The following CPQ variants were observed in gnomAD, a reference collection of about 807,000 sequenced individuals.
CPQ encodes the protein Ser-Met dipeptidase.
A neutral mutation model predicts 45.7 loss-of-function variants in CPQ; 37 were observed. That is an observed-to-expected ratio of 0.81 (90% confidence interval 0.62 to 1.07). CPQ has a LOEUF of 1.07. Among genes scored for constraint, CPQ ranks in the 50% least tolerant of loss-of-function variants. CPQ has a pLI of 0.00. For missense variants in CPQ, 537 were observed against 572.9 expected, an observed-to-expected ratio of 0.94 and a Z score of 0.64; for synonymous variants, 186 against 205.8, an observed-to-expected ratio of 0.90 and a Z score of 0.82.
intron 1 of CPQ, among the ~76,000 whole-genome samples, chr8:96,657,421 G>C (rs1586347381): frequency 6.6e-6 from 1 of 152,290 alleles, no homozygotes; most frequent in East Asian, 1.9e-4. Flanking sequence ...ACGTGAGATT[G>C]TTCCTCTTCT....
chr8:96,937,923 G>C (rs774275448), intron 4 of CPQ, among the ~76,000 whole-genome samples: 1 of 152,140 alleles, frequency 6.6e-6, no homozygotes, highest in African/African-American at 2.4e-5. Flanking sequence ...TGAGATAAAA[G>C]GAAGTTGGTT....
At chr8:96,767,673 TCA>T (rs2130796080) in intron 1 of CPQ, among the ~76,000 whole-genome samples, 1 of 121,012 alleles carries the variant, frequency 8.3e-6, no homozygotes, top group East Asian at 2.9e-4. Flanking sequence ...AGACGGACTC[TCA>T]CTCCGTTGCC....
At chr8:97,046,649 C>T (rs1810262144) in intron 6 of CPQ, among the ~76,000 whole-genome samples, 1 of 152,148 alleles carries the variant, frequency 6.6e-6, no homozygotes, top group South Asian at 2.1e-4. Context: ...CAATCAGATG[C>T]ACTCCCTCCC....
intron 3 of CPQ, among the ~76,000 whole-genome samples, chr8:96,864,776 G>A (rs1190745169): frequency 6.6e-6 from 1 of 151,924 alleles, no homozygotes; most frequent in Non-Finnish European, 1.5e-5. Context: ...TTCAAACATA[G>A]GGAAATAAGC....
rs371921242 is a variant in CPQ at position 96,762,741 on chromosome 8, CAATG to C, written c.-34-22120_-34-22117del. Among the ~76,000 whole-genome samples, 508 of 152,228 alleles carry C rather than the reference CAATG, an allele frequency of 3.3e-3. 7 individuals carry two copies. The highest frequency in any genetic ancestry group is 0.012 in the African/African-American group (484 of 41,546). ...CAGTTCAATTTATTAATTTTTCCCT[CAATG>C]AACCGTAGTTTTAGTGTTGTATCTA... On this transcript the variant is annotated intron_variant, in intron 1 of 7. Transcript: ENST00000220763.
chr8:97,105,429 T>C (rs1811387654), intron 7 of CPQ, among the ~76,000 whole-genome samples: 5 of 152,246 alleles, frequency 3.3e-5, no homozygotes, highest in Admixed American at 3.3e-4. Context: ...TATTCCATTG[T>C]ATGTGTATAC....
At chr8:97,056,651 G>C (rs143719330) in intron 6 of CPQ, 1 of 152,318 alleles carries the variant, frequency 6.6e-6, no homozygotes, top group East Asian at 1.9e-4. Context: ...ATACTCTACA[G>C]AACATGCTTA....
At chr8:96,752,287 T>C (rs143567297) in intron 1 of CPQ, among the ~76,000 whole-genome samples, 2,507 of 152,344 alleles carry the variant, frequency 0.016, 23 homozygotes, top group Middle Eastern at 0.034. Context: ...CATTTGTTTG[T>C]GTCCTCTCTG....
At chr8:96,722,111 T>C (rs1809771047) in intron 1 of CPQ, among the ~76,000 whole-genome samples, 1 of 152,226 alleles carries the variant, frequency 6.6e-6, no homozygotes, top group African/African-American at 2.4e-5. Context: ...TTATTTGTCT[T>C]GTCCAGTGCT....
intron 7 of CPQ, among the ~76,000 whole-genome samples, chr8:97,094,823 A>C (rs770054166): frequency 6.6e-6 from 1 of 152,028 alleles, no homozygotes; most frequent in Non-Finnish European, 1.5e-5. Flanking sequence ...TTTGCAGCCA[A>C]GCTTTTTGTC....
At chr8:96,656,539 ATTGCCTGTCT>A (rs1379341357) in intron 1 of CPQ, among the ~76,000 whole-genome samples, 1 of 152,040 alleles carries the variant, frequency 6.6e-6, no homozygotes, top group African/African-American at 2.4e-5. Context: ...ACAGTTGAGG[ATTGCCTGTCT>A]CTGGGCAGGG....
At chr8:96,704,798 A>G (rs992738888) in intron 1 of CPQ, among the ~76,000 whole-genome samples, 6 of 152,138 alleles carry the variant, frequency 3.9e-5, no homozygotes, top group Non-Finnish European at 8.8e-5. Flanking sequence ...GGATAGTGCA[A>G]CCATTCATGG....
chr8:97,123,216 TAAAA>T lies in CPQ; in HGVS notation c.1256-19803_1256-19800del, dbSNP rs1233137873. Among the ~76,000 whole-genome samples, 27 of 100,712 alleles carry T rather than the reference TAAAA, an allele frequency of 2.7e-4. No individual in the cohort carries two copies. The South Asian group carries it at 4.8e-3, about 18-fold the overall frequency. 66.1% of individuals were successfully genotyped at this position (100,712 alleles called of 152,430 possible). On this transcript the variant is annotated intron_variant, in intron 7 of 7. Coordinates refer to ENST00000220763, the MANE Select transcript of CPQ (RefSeq NM_016134.4). ...AAATAAAATAAAATAAAAAATAAAA[TAAAA>T]TAAAATAAAATAAAATAAATAAAAT...
At chr8:96,730,382 C>T (rs975418061) in intron 1 of CPQ, among the ~76,000 whole-genome samples, 1 of 152,146 alleles carries the variant, frequency 6.6e-6, no homozygotes, top group Non-Finnish European at 1.5e-5. Context: ...GTTAAGTTCA[C>T]TCATCTCTCT....
At chr8:97,129,248 C>G (rs890993894) in intron 7 of CPQ, among the ~76,000 whole-genome samples, 9 of 152,126 alleles carry the variant, frequency 5.9e-5, no homozygotes, top group Non-Finnish European at 1.0e-4. Flanking sequence ...GAATTGCCCT[C>G]TCACTCCACT....
At chr8:97,076,689 A>G (rs1332414950) in intron 7 of CPQ, among the ~76,000 whole-genome samples, 2 of 152,124 alleles carry the variant, frequency 1.3e-5, no homozygotes, top group African/African-American at 2.4e-5. Context: ...GCTTGCCCTA[A>G]GTTTGATTTT....
At chr8:97,020,869 C>G (rs1441979274) in intron 5 of CPQ, among the ~76,000 whole-genome samples, 1 of 152,052 alleles carries the variant, frequency 6.6e-6, no homozygotes, top group African/African-American at 2.4e-5. Context: ...CTAAATCATT[C>G]TATAAAGCCA....
chr8:96,663,956 G>A (rs1347425180), intron 1 of CPQ, among the ~76,000 whole-genome samples: 3 of 152,102 alleles, frequency 2.0e-5, no homozygotes, highest in Non-Finnish European at 4.4e-5. Context: ...AAAAAAAACT[G>A]TATGACCTTG....
chr8:97,023,649 C>A (rs759583227), intron 5 of CPQ, among the ~76,000 whole-genome samples: 3 of 152,194 alleles, frequency 2.0e-5, no homozygotes, highest in Admixed American at 6.5e-5. Context: ...AGGACTGTTG[C>A]CTTTGAATTA....
Sources: gnomAD v4.1 joint callset for allele counts (sites outside exome capture counted in the v4.1 genomes callset) on GRCh38, gnomAD v4.1.1 for gene constraint, MANE v1.5 for transcripts, NCBI Gene and HGNC (gene_info 2026-07-23, HGNC 2026-07-21) for gene names.